Variants in PUDP observed in about 807,000 individuals in gnomAD.
PUDP encodes pseudouridine 5'-phosphatase, also known as pseudouridine-5'-phosphatase.
A neutral mutation model predicts 9.4 loss-of-function variants in PUDP; 8 were observed. That is an observed-to-expected ratio of 0.85 (90% confidence interval 0.50 to 1.53). The LOEUF (loss-of-function observed/expected upper bound fraction) is 1.53. PUDP is among the 40% of genes most tolerant of loss of function. The pLI is 0.00. For missense variants in PUDP, 188 were observed against 189.7 expected (o/e 0.99, Z 0.05); for synonymous variants, 99 against 80.7 (o/e 1.23, Z -1.22).
rs144602094 is a variant in PUDP at position 6,804,623 on chromosome X, C to T, written c.*248-98157G>A. Among the ~76,000 whole-genome samples the T allele has an allele frequency of 3.6e-4, 40 of 111,276 alleles. 1 individual carries two copies. The East Asian group carries it at 0.011, about 32-fold the overall frequency. On this transcript the variant is annotated intron_variant and NMD_transcript_variant, in intron 3 of 3. Coordinates refer to the PUDP transcript ENST00000655425. ...TGAGTGTCTTAATTTGCAGGAAGCCCGGAGATGTGGAGTCTGTGCAGGTCT... is the reference window on the plus strand; with the variant it reads ...TGAGTGTCTTAATTTGCAGGAAGCCTGGAGATGTGGAGTCTGTGCAGGTCT...
chrX:7,016,126 T>C (rs1929545152), intron 1 of PUDP, among the ~76,000 whole-genome samples: 1 of 106,090 alleles, frequency 9.4e-6, no homozygotes, highest in African/African-American at 3.5e-5. Flanking sequence ...AGCTCAGGAG[T>C]TCAAGACCAG....
chrX:6,959,090 G>C (rs762390221), intron 3 of PUDP, among the ~76,000 whole-genome samples: 1 of 112,131 alleles, frequency 8.9e-6, no homozygotes, highest in Non-Finnish European at 1.9e-5. Context: ...AAGAATGAAA[G>C]AGCATTTTCA....
intron 3 of PUDP, among the ~76,000 whole-genome samples, chrX:6,928,222 G>T (rs780899605): frequency 9.0e-6 from 1 of 111,423 alleles, no homozygotes; most frequent in Non-Finnish European, 1.9e-5. Flanking sequence ...GTGAATCACC[G>T]CACCTGGCCA....
At chrX:6,761,757 G>C (rs1184768791) in intron 3 of PUDP, among the ~76,000 whole-genome samples, 2 of 112,194 alleles carry the variant, frequency 1.8e-5, no homozygotes, top group East Asian at 2.8e-4. Context: ...CATGGCTGTG[G>C]TGACGGTTGG....
chrX:6,943,937 GA>G (rs199713105), intron 3 of PUDP, among the ~76,000 whole-genome samples: 3 of 110,298 alleles, frequency 2.7e-5, no homozygotes, highest in East Asian at 2.8e-4. Flanking sequence ...AACAGAGTTA[GA>G]AAAAAAAATT....
At chrX:6,852,778 A>G (rs1926847157) in intron 3 of PUDP, among the ~76,000 whole-genome samples, 1 of 111,938 alleles carries the variant, frequency 8.9e-6, no homozygotes, top group Admixed American at 9.5e-5. Flanking sequence ...ACAATGTAGC[A>G]GTCTCTCATT....
At chrX:6,807,030 A>C (rs577721334) in intron 3 of PUDP, among the ~76,000 whole-genome samples, 5 of 112,634 alleles carry the variant, frequency 4.4e-5, no homozygotes, top group African/African-American at 1.6e-4. Flanking sequence ...GAAGAGCAGG[A>C]AATGAGCCCT....
chrX:6,832,997 C>T (rs764712587), intron 3 of PUDP, among the ~76,000 whole-genome samples: 3 of 111,346 alleles, frequency 2.7e-5, no homozygotes, highest in African/African-American at 9.8e-5. Context: ...TACACACACA[C>T]ACACACACAC....
chrX:6,823,431 G>A (rs1285313829), intron 3 of PUDP, among the ~76,000 whole-genome samples: 1 of 111,535 alleles, frequency 9.0e-6, no homozygotes. Flanking sequence ...ATTTAAGTCT[G>A]AAAAGAAATA....
chrX:7,014,811 C>T (rs2146816451), intron 1 of PUDP, among the ~76,000 whole-genome samples: 1 of 111,813 alleles, frequency 8.9e-6, no homozygotes, highest in Non-Finnish European at 1.9e-5. Context: ...TTTTAGGCAA[C>T]CTCAAGGCAT....
chrX:6,728,585 T>G (rs1009881826), intron 3 of PUDP, among the ~76,000 whole-genome samples: 1 of 112,003 alleles, frequency 8.9e-6, no homozygotes, highest in Non-Finnish European at 1.9e-5. Flanking sequence ...AGGGATTATG[T>G]GACTTGCCGA....
intron 3 of PUDP, among the ~76,000 whole-genome samples, chrX:6,862,619 A>T (rs1457894191): frequency 1.8e-5 from 2 of 111,897 alleles, no homozygotes; most frequent in Non-Finnish European, 3.8e-5. Context: ...ACTCACTCTA[A>T]GTTCTCTATA....
intron 3 of PUDP, among the ~76,000 whole-genome samples, chrX:6,752,276 C>T (rs1376733920): frequency 3.6e-5 from 4 of 111,465 alleles, no homozygotes; most frequent in Non-Finnish European, 1.9e-5. Context: ...TCTGATCAAC[C>T]AGGAGGCAGC....
At chrX:7,107,693 T>C (rs1443658749) in intron 1 of PUDP, among the ~76,000 whole-genome samples, 2 of 112,210 alleles carry the variant, frequency 1.8e-5, no homozygotes, top group African/African-American at 6.5e-5. Flanking sequence ...CTGGGCATGG[T>C]GGCATGTGAC....
At chrX:6,795,513 T>C (rs1435621367) in intron 3 of PUDP, among the ~76,000 whole-genome samples, 2 of 111,564 alleles carry the variant, frequency 1.8e-5, no homozygotes, top group Non-Finnish European at 3.8e-5. Context: ...CTACAGTGGA[T>C]TGCATTACAG....
At chrX:6,777,060 A>C (rs1304496124) in intron 3 of PUDP, among the ~76,000 whole-genome samples, 1 of 112,463 alleles carries the variant, frequency 8.9e-6, no homozygotes, top group Admixed American at 9.4e-5. Context: ...CAAACAAGGA[A>C]GACAATATGG....
chrX:6,944,519 A>G (rs1928439366), intron 3 of PUDP, among the ~76,000 whole-genome samples: 1 of 90,478 alleles, frequency 1.1e-5, no homozygotes, highest in African/African-American at 4.1e-5. Flanking sequence ...AAGCATGGAA[A>G]TAAGGCAAAA....
chrX:6,751,126 A>C (rs1321110423), intron 3 of PUDP, among the ~76,000 whole-genome samples: 3 of 108,972 alleles, frequency 2.8e-5, no homozygotes, highest in African/African-American at 1.0e-4. Context: ...TGGGTGACAG[A>C]GTGAGAATCC....
intron 3 of PUDP, among the ~76,000 whole-genome samples, chrX:6,907,202 C>T (rs1265537602): frequency 1.8e-5 from 2 of 110,802 alleles, no homozygotes; most frequent in African/African-American, 3.3e-5. Flanking sequence ...TTTTATAAGG[C>T]GCTTTCCCTG....
Sources: allele counts gnomAD v4.1 joint callset (sites outside exome capture counted in the v4.1 genomes callset), GRCh38; gene constraint gnomAD v4.1.1; transcripts MANE v1.5; gene names NCBI Gene and HGNC (gene_info 2026-07-23, HGNC 2026-07-21).